KIAA1671: variants seen among roughly 807,000 people sequenced by gnomAD.
KIAA1671 encodes the protein KIAA1671.
KIAA1671 carries 52 observed loss-of-function variants against 131.2 expected under a neutral mutation model. The ratio of observed to expected loss-of-function variants is 0.40; its 90% CI spans 0.32 to 0.50. The LOEUF is 0.50. Among genes scored for constraint, KIAA1671 ranks in the 20% least tolerant of loss-of-function variants. KIAA1671 has a pLI of 0.73. For missense variants in KIAA1671, 2,360 were observed against 2,364.2 expected, an observed-to-expected ratio of 1.00 and a Z score of 0.04; for synonymous variants, 1,003 against 961.6, an observed-to-expected ratio of 1.04 and a Z score of -0.80.
chr22:25,146,019 TG>T (rs1932873083), intron 6 of KIAA1671, among the ~76,000 whole-genome samples: 2 of 151,876 alleles, frequency 1.3e-5, no homozygotes, highest in Admixed American at 1.3e-4. Context: ...TGTGCATGAG[TG>T]TGCACATGTG....
intron 8 of KIAA1671, 36 bp from the exon 9 acceptor site, chr22:25,177,312 T>C: frequency 3.9e-6 from 6 of 1,524,830 alleles, no homozygotes; most frequent in Non-Finnish European, 3.5e-6. Flanking sequence ...ATGGTTCCCT[T>C]GATTTTTTTC....
At chr22:24,979,961 C>CT (rs1779702519) in intron 1 of KIAA1671, among the ~76,000 whole-genome samples, 1 of 151,562 alleles carries the variant, frequency 6.6e-6, no homozygotes, top group Non-Finnish European at 1.5e-5. Context: ...TAAGAATTCC[C>CT]TTCTCTTTTT....
chr22:25,163,331 A>ATTTTTTTTTTT (rs132895), intron 6 of KIAA1671, among the ~76,000 whole-genome samples: 8 of 55,544 alleles, frequency 1.4e-4, no homozygotes, highest in South Asian at 1.1e-3. Flanking sequence ...ATTGCCTCAA[A>ATTTTTTTTTTT]TTTTTTTTTT....
chr22:25,029,290 T>A lies in KIAA1671; in HGVS notation c.1291T>A (p.Trp431Arg). 6.6e-7 allele frequency: 1 copy of A among 1,514,424 alleles called. No homozygotes were observed. Among genetic ancestry groups the A allele is most frequent in the East Asian group, 2.5e-5 (1 of 40,266 alleles). 93.8% of individuals were successfully genotyped at this position (1,514,424 alleles called of 1,614,324 possible). ...ADGEAAAGGE[W>R]ASRRSVRKCI... The stretch of plus-strand genomic sequence containing the variant: ...TGGGGAGGCCGCGGCAGGGGGAGAG[T>A]GGGCCTCCAGGAGGAGTGTCAGGAA... The change falls in exon 3 of 13, where the codon TGG (tryptophan) becomes AGG (arginine). Residue 431 changes from tryptophan to arginine, a missense_variant. Trp to Arg is a moderately radical substitution (Grantham distance 101). Coordinates refer to ENST00000358431, the MANE Select transcript of KIAA1671 (RefSeq NM_001145206.2).
chr22:25,070,240 C>T (rs919681753), intron 6 of KIAA1671: 9 of 403,028 alleles, frequency 2.2e-5, no homozygotes, highest in Non-Finnish European at 3.1e-5. Context: ...GGCCGTGAGC[C>T]GGCTTCTGAA....
At chr22:24,999,721 C>CAAAGA (rs1398560057) in intron 1 of KIAA1671, among the ~76,000 whole-genome samples, 4 of 149,278 alleles carry the variant, frequency 2.7e-5, no homozygotes, top group Admixed American at 2.0e-4. Flanking sequence ...CACCACTATG[C>CAAAGA]CTGGCTAACT....
intron 6 of KIAA1671, among the ~76,000 whole-genome samples, chr22:25,143,513 T>A (rs919879914): frequency 2.0e-5 from 3 of 152,170 alleles, no homozygotes; most frequent in African/African-American, 7.2e-5. Context: ...TTTCCTTCCT[T>A]CTCTCCTCCC....
At chr22:25,119,975 A>G (rs1373434104) in intron 6 of KIAA1671, among the ~76,000 whole-genome samples, 4 of 152,194 alleles carry the variant, frequency 2.6e-5, no homozygotes, top group African/African-American at 7.2e-5. Context: ...TGAGCAAGGG[A>G]GAGCTATATC....
At chr22:24,978,883 C>T (rs976089293) in intron 1 of KIAA1671, among the ~76,000 whole-genome samples, 21 of 152,070 alleles carry the variant, frequency 1.4e-4, no homozygotes, top group Non-Finnish European at 2.9e-4. Context: ...GGGGTTTTCA[C>T]CATGTCGGCC....
chr22:25,138,320 A>G (rs1435372613), intron 6 of KIAA1671, among the ~76,000 whole-genome samples: 2 of 152,160 alleles, frequency 1.3e-5, no homozygotes, highest in African/African-American at 4.8e-5. Context: ...CCTGGAAATG[A>G]GTGACAGCAC....
At chr22:25,100,870 A>G (rs1930625312) in intron 6 of KIAA1671, among the ~76,000 whole-genome samples, 1 of 152,220 alleles carries the variant, frequency 6.6e-6, no homozygotes, top group Non-Finnish European at 1.5e-5. Flanking sequence ...AAGCAAGGAA[A>G]GAAGGCCAGA....
At chr22:25,177,310 C>T in intron 8 of KIAA1671, 38 bp from the exon 9 acceptor site, 2 of 1,523,432 alleles carry the variant, frequency 1.3e-6, no homozygotes, top group Non-Finnish European at 1.8e-6. Context: ...TGATGGTTCC[C>T]TTGATTTTTT....
chr22:25,055,853 T>C lies in KIAA1671; in HGVS notation c.4530+6489T>C, dbSNP rs1361759893. The C allele has an allele frequency of 4.0e-5, 6 of 148,922 alleles. 1 individual carries two copies. Among genetic ancestry groups the C allele is most frequent in the Admixed American group, 2.7e-4 (4 of 14,986 alleles). The allele number at this position is 148,922 out of a possible 1,614,324, so 9.2% of individuals were successfully genotyped here. Reference sequence around the variant, plus strand: ...ATAGATATAGATACAGATACAGATATAGAGAGAGAGACAGGCAAACAGACA... The same window carrying C: ...ATAGATATAGATACAGATACAGATACAGAGAGAGAGACAGGCAAACAGACA... On this transcript the variant is annotated intron_variant, in intron 6 of 12. Transcript: ENST00000358431.
rs988897819 is a variant in KIAA1671 at position 25,038,980 on chromosome 22, A to C, written c.1850A>C (p.His617Pro). Residue 617 changes from histidine (H) to proline (P), a missense_variant, in exon 5 of 13, where the codon CAC becomes CCC. Around this residue, in one of 3 missense-constraint regions of KIAA1671, gnomAD observed 1,185 missense variants for 1,126.2 expected, o/e 1.05. Transcript: ENST00000358431. Reference sequence around the variant, plus strand: ...ACTGTGTGGGCCACAGTATTTGAGCACCACGTGGAGAGACACACAGTGGCT... The same window carrying C: ...ACTGTGTGGGCCACAGTATTTGAGCCCCACGTGGAGAGACACACAGTGGCT... ...FQTVWATVFE[H>P]HVERHTVADQ... 1 of 1,551,758 alleles carries C rather than the reference A, an allele frequency of 6.4e-7. No homozygotes were observed. The highest frequency in any genetic ancestry group is 8.7e-7 in the Non-Finnish European group (1 of 1,147,028).
At chr22:24,988,040 C>G (rs771163590) in intron 1 of KIAA1671, among the ~76,000 whole-genome samples, 2 of 151,898 alleles carry the variant, frequency 1.3e-5, no homozygotes, top group Non-Finnish European at 2.9e-5. Flanking sequence ...CTTTGGGAGG[C>G]CGAGGCGGGT....
Position 25,123,903 on chromosome 22 carries a change from T to TAAA in KIAA1671, c.4531-46916_4531-46915insAAA, listed in dbSNP as rs370736497. 4.0e-3 allele frequency among the ~76,000 whole-genome samples: 612 copies of TAAA among 152,348 alleles called. 4 individuals carry two copies. Among genetic ancestry groups the TAAA allele is most frequent in the African/African-American group, 0.014 (573 of 41,572 alleles). On this transcript the variant is annotated intron_variant, in intron 6 of 12. Coordinates refer to ENST00000358431, the MANE Select transcript of KIAA1671 (RefSeq NM_001145206.2). ...TAACTAGTACACATTTCTTCTCACTTACGCTTGTGGAAATAGTCCAAGGAT... is the reference window on the plus strand; with the variant it reads ...TAACTAGTACACATTTCTTCTCACTTAAAACGCTTGTGGAAATAGTCCAAGGAT...
chr22:25,069,129 T>C (rs1928668663), intron 6 of KIAA1671, among the ~76,000 whole-genome samples: 1 of 152,146 alleles, frequency 6.6e-6, no homozygotes, highest in Non-Finnish European at 1.5e-5. Context: ...AGGAACCTCT[T>C]TTGACCCTGT....
intron 6 of KIAA1671, among the ~76,000 whole-genome samples, chr22:25,105,456 G>A (rs1018958066): frequency 1.3e-5 from 2 of 152,140 alleles, no homozygotes; most frequent in African/African-American, 4.8e-5. Context: ...GATTAATTAT[G>A]TAAGAAAAAG....
chr22:25,050,486 AC>A (rs1423175938), intron 6 of KIAA1671: 1 of 152,156 alleles, frequency 6.6e-6, no homozygotes, highest in African/African-American at 2.4e-5. Flanking sequence ...GCCTGGTCTC[AC>A]GTTTTGGAGA....
Sources: gnomAD v4.1 joint callset for allele counts (sites outside exome capture counted in the v4.1 genomes callset) on GRCh38, gnomAD v4.1.1 for gene constraint, gnomAD v4.1.1 regional missense constraint, MANE v1.5 for transcripts, NCBI Gene and HGNC (gene_info 2026-07-23, HGNC 2026-07-21) for gene names.